The following VPS37A variants were observed in gnomAD, a reference collection of about 807,000 sequenced individuals.
VPS37A encodes the protein vacuolar protein sorting-associated protein 37A.
VPS37A carries 30 observed loss-of-function variants against 49.8 expected under a neutral mutation model. The observed-to-expected ratio is 0.60, with a 90% CI of 0.45 to 0.82. The LOEUF is 0.82. VPS37A is among the 40% of genes least tolerant of loss of function. The pLI, the probability that VPS37A is intolerant of heterozygous loss-of-function variation, is 0.00. For synonymous variants in VPS37A, 195 were observed against 160.6 expected, an observed-to-expected ratio of 1.21 and a Z score of -1.62; for missense variants, 593 against 464.4, an observed-to-expected ratio of 1.28 and a Z score of -2.55.
the VPS37A span, among the ~76,000 whole-genome samples, chr8:17,315,276 A>T: frequency 3.3e-5 from 5 of 152,120 alleles, no homozygotes; most frequent in African/African-American, 1.2e-4. Context: ...CAACTATATG[A>T]CCTCCTAGAA....
chr8:17,322,766 T>C, the VPS37A span, among the ~76,000 whole-genome samples: 1 of 152,106 alleles, frequency 6.6e-6, no homozygotes, highest in East Asian at 1.9e-4. Flanking sequence ...CAGAGGCTGC[T>C]GTGAGCTACA....
intron 9 of VPS37A, among the ~76,000 whole-genome samples, chr8:17,280,974 C>T (rs952506904): frequency 6.6e-6 from 1 of 151,588 alleles, no homozygotes; most frequent in Non-Finnish European, 1.5e-5. Flanking sequence ...TGTATCATAC[C>T]AATAACAACC....
chr8:17,290,580 CA>C (rs1816048785), intron 11 of VPS37A, among the ~76,000 whole-genome samples: 1 of 152,174 alleles, frequency 6.6e-6, no homozygotes, highest in Non-Finnish European at 1.5e-5. Context: ...TTCAGTTTGC[CA>C]GTACATTAAT....
downstream of VPS37A, among the ~76,000 whole-genome samples, chr8:17,303,118 G>C (rs1281081771): frequency 6.6e-6 from 1 of 152,190 alleles, no homozygotes; most frequent in East Asian, 1.9e-4. Flanking sequence ...ATGTAGATAA[G>C]TAAGTACTTT....
chr8:17,298,377 A>G (rs1816878197), downstream of VPS37A: 1 of 152,090 alleles, frequency 6.6e-6, no homozygotes, highest in African/African-American at 2.4e-5. Flanking sequence ...GTACTTTTAA[A>G]TCACAGTTCT....
intron 5 of VPS37A, 35 bp downstream of exon 5, chr8:17,274,993 T>G (rs753935808): frequency 1.0e-5 from 16 of 1,581,120 alleles, no homozygotes; most frequent in Non-Finnish European, 1.3e-5. Context: ...TTTGTGCCAC[T>G]GAAACATTCA....
intron 6 of VPS37A, chr8:17,279,688 A>G: frequency 2.4e-6 from 1 of 408,630 alleles, no homozygotes; most frequent in Non-Finnish European, 4.8e-6. Flanking sequence ...ATTGTTCTTT[A>G]CCTGAGTTAA....
intron 10 of VPS37A, among the ~76,000 whole-genome samples, chr8:17,285,423 A>AT (rs1815500275): frequency 6.6e-6 from 1 of 152,060 alleles, no homozygotes; most frequent in African/African-American, 2.4e-5. Flanking sequence ...TTCTGTTCTG[A>AT]TATTTCTGTT....
the VPS37A span, chr8:17,309,221 T>A: frequency 8.5e-7 from 1 of 1,180,030 alleles, no homozygotes; most frequent in Non-Finnish European, 1.2e-6. Flanking sequence ...CAATTGAAAT[T>A]TTCAGAAACA....
chr8:17,310,449 A>T, the VPS37A span, among the ~76,000 whole-genome samples: 1 of 152,172 alleles, frequency 6.6e-6, no homozygotes, highest in East Asian at 1.9e-4. Flanking sequence ...TTTGGGTTGT[A>T]AGTTTAATGG....
chr8:17,280,410 A>T lies in VPS37A; in HGVS notation c.936A>T (p.Glu312Asp), dbSNP rs1356757916. The T allele has an allele frequency of 1.9e-6, 3 of 1,609,442 alleles. No individual in the cohort carries two copies. In the South Asian group the frequency reaches 3.3e-5, roughly 18 times the overall value. The change falls in exon 9 of 12, where the codon GAA (glutamate) becomes GAT (aspartate). Residue 312 changes from glutamate (E) to aspartate (D), a missense_variant. Coordinates refer to ENST00000324849, the MANE Select transcript of VPS37A (RefSeq NM_152415.3). ...TTACACAGATGAAGTCCACTTTCGA[A>T]AAGAAGATGCAAAGGCAGCATGAAC... ...ELLTQMKSTF[E>D]KKMQRQHELS...
At position 17,286,289 on chromosome 8, in the gene VPS37A, A is replaced by G; in HGVS notation, c.1114-58A>G. On this transcript the variant is annotated intron_variant, in intron 10 of 11. Coordinates refer to ENST00000324849, the MANE Select transcript of VPS37A (RefSeq NM_152415.3). The stretch of plus-strand genomic sequence containing the variant: ...AGCTTCCTGTCATACTGTTGGAAGT[A>G]AAGTAGTAGGCATATCTTTGTAAAA... 7.2e-6 allele frequency: 10 copies of G among 1,385,056 alleles called. No individual in the cohort carries two copies. The South Asian group carries it at 1.2e-4, about 17-fold the overall frequency. The allele number at this position is 1,385,056 out of a possible 1,614,324, so 85.8% of individuals were successfully genotyped here.
chr8:17,329,793 C>T, the VPS37A span, among the ~76,000 whole-genome samples: 1 of 152,178 alleles, frequency 6.6e-6, no homozygotes, highest in Non-Finnish European at 1.5e-5. Flanking sequence ...GCATGATAAT[C>T]TCCAAAAGTT....
At chr8:17,325,770 G>GA in the VPS37A span, among the ~76,000 whole-genome samples, 26,878 of 152,140 alleles carry the variant, frequency 0.18, 3,454 homozygotes, top group African/African-American at 0.36. Context: ...AAACACTTCT[G>GA]AAACTGTGCT....
chr8:17,250,060 G>C (rs1318528676), intron 1 of VPS37A, among the ~76,000 whole-genome samples: 2 of 152,298 alleles, frequency 1.3e-5, no homozygotes, highest in East Asian at 3.9e-4. Context: ...TATGGAGTGA[G>C]GGTCTTCAGG....
At chr8:17,254,324 G>T (rs1301955402) in intron 1 of VPS37A, among the ~76,000 whole-genome samples, 1 of 152,100 alleles carries the variant, frequency 6.6e-6, no homozygotes, top group African/African-American at 2.4e-5. Context: ...AACTTCCTGA[G>T]GAGTCTCCGC....
At chr8:17,272,287 G>C (rs1002000351) in intron 4 of VPS37A, among the ~76,000 whole-genome samples, 7 of 152,022 alleles carry the variant, frequency 4.6e-5, no homozygotes, top group African/African-American at 1.7e-4. Context: ...TGTTGTTGTT[G>C]TTGTCATAGC....
intron 5 of VPS37A, among the ~76,000 whole-genome samples, chr8:17,275,454 G>T (rs1031078183): frequency 1.3e-5 from 2 of 152,154 alleles, no homozygotes. Context: ...AAGACATTGA[G>T]GTAGAAACTG....
rs140037192 is a variant in VPS37A at position 17,295,914 on chromosome 8, G to C, written c.*928G>C. On this transcript the variant is annotated 3_prime_UTR_variant, in exon 12 of 12. Transcript: ENST00000324849. ...ATCCTGATTTTTAATGAATTTAATT[G>C]AGTGTTCTTGTATACTACATTGAGC... 3.3e-5 allele frequency: 5 copies of C among 152,232 alleles called. No homozygotes were observed. The East Asian group carries it at 7.7e-4, about 24-fold the overall frequency. The allele number at this position is 152,232 out of a possible 1,614,324, so 9.4% of individuals were successfully genotyped here.
Sources: gnomAD v4.1 joint callset for allele counts (sites outside exome capture counted in the v4.1 genomes callset) on GRCh38, gnomAD v4.1.1 for gene constraint, MANE v1.5 for transcripts, NCBI Gene and HGNC (gene_info 2026-07-23, HGNC 2026-07-21) for gene names.